NEIL3: variants seen among roughly 807,000 people sequenced by gnomAD.
NEIL3 encodes nei like DNA glycosylase 3.
In NEIL3, 48 loss-of-function variants were observed where a neutral mutation model predicts 57.5. The ratio of observed to expected loss-of-function variants is 0.83; its 90% CI spans 0.66 to 1.06. NEIL3 has a LOEUF of 1.06. Ranked by LOEUF, NEIL3 falls within the 50% of genes least tolerant of loss-of-function variation. NEIL3 has a pLI of 0.00. For missense variants in NEIL3, 717 were observed against 739.1 expected, an observed-to-expected ratio of 0.97 and a Z score of 0.35; for synonymous variants, 261 against 253.2, an observed-to-expected ratio of 1.03 and a Z score of -0.29.
chr4:177,320,959 C>G (rs75970678), intron 1 of NEIL3, among the ~76,000 whole-genome samples: 5 of 140,824 alleles, frequency 3.6e-5, no homozygotes, highest in Admixed American at 7.1e-5. Context: ...GTGTCTGTCT[C>G]TTTTTTTTTT....
rs148363703 is a variant in NEIL3, at chr4:177,318,463, C to T, written c.157-3996C>T. ...GCAGTGCTGCTGAATTAGATTTGGG[C>T]GTTTTGATAATGGGGCAGTTGTCTT... is the stretch of plus-strand genomic sequence containing the variant. On this transcript the variant is annotated intron_variant, in intron 1 of 9. Coordinates refer to ENST00000264596, the MANE Select transcript of NEIL3 (RefSeq NM_018248.3). 2.4e-4 allele frequency among the ~76,000 whole-genome samples: 37 copies of T among 152,206 alleles called. No homozygotes were observed. In the East Asian group the frequency reaches 6.9e-3, roughly 29 times the overall value.
At chr4:177,344,184 C>T (rs1439194298) in intron 6 of NEIL3, among the ~76,000 whole-genome samples, 1 of 152,152 alleles carries the variant, frequency 6.6e-6, no homozygotes, top group Non-Finnish European at 1.5e-5. Context: ...CTGTTTTCTA[C>T]ACTGGCAGTC....
chr4:177,353,036 G>T (rs772147398), intron 7 of NEIL3, among the ~76,000 whole-genome samples: 3 of 151,984 alleles, frequency 2.0e-5, no homozygotes, highest in Admixed American at 6.6e-5. Flanking sequence ...ACCTTTAAAT[G>T]CTTAAACATC....
intron 2 of NEIL3, among the ~76,000 whole-genome samples, chr4:177,330,045 G>A (rs1734852558): frequency 6.6e-6 from 1 of 152,016 alleles, no homozygotes; most frequent in Non-Finnish European, 1.5e-5. Flanking sequence ...TTGAGTAGCT[G>A]GGATTACAGA....
downstream of NEIL3, among the ~76,000 whole-genome samples, chr4:177,363,183 A>G (rs774224469): frequency 1.3e-4 from 20 of 152,158 alleles, no homozygotes; most frequent in Non-Finnish European, 7.3e-5. Flanking sequence ...GATCACTATG[A>G]TTGTTCCTCC....
intron 8 of NEIL3, among the ~76,000 whole-genome samples, chr4:177,354,678 C>T (rs542269018): frequency 2.0e-5 from 3 of 152,166 alleles, no homozygotes; most frequent in South Asian, 2.1e-4. Context: ...GATGGGGTTT[C>T]GCCATGTTGG....
At chr4:177,358,696 T>G (rs552576496) in intron 8 of NEIL3, among the ~76,000 whole-genome samples, 50 of 152,224 alleles carry the variant, frequency 3.3e-4, no homozygotes, top group African/African-American at 1.2e-3. Flanking sequence ...GGCCTCTCCT[T>G]TCTACTTTAA....
At position 177,336,126 on chromosome 4, in the gene NEIL3, A is replaced by ACCT; in HGVS notation, c.433_434insCTC (p.Gln144_Gln145insPro). ...TCTATAGAAACTCAATGGAAAGCCA[A>ACCT]CAGAGAATAAGAATGATGAAAGAAT... On this transcript the variant is annotated inframe_insertion, in exon 4 of 10. Transcript: ENST00000264596. 1 of 1,612,066 alleles carries ACCT rather than the reference A, an allele frequency of 6.2e-7. No homozygotes were observed. Among genetic ancestry groups the ACCT allele is most frequent in the Non-Finnish European group, 8.5e-7 (1 of 1,178,108 alleles).
At chr4:177,359,509 G>T (rs568286552) in intron 8 of NEIL3, among the ~76,000 whole-genome samples, 1 of 152,026 alleles carries the variant, frequency 6.6e-6, no homozygotes, top group Admixed American at 6.5e-5. Context: ...CAAGGAAAAA[G>T]GGAAATCACC....
chr4:177,353,282 G>A, intron 7 of NEIL3, 26 bp from the exon 8 acceptor site: 1 of 1,573,828 alleles, frequency 6.4e-7, no homozygotes, highest in Non-Finnish European at 8.6e-7. Context: ...TGGGACTATT[G>A]CAGAATTACT....
At chr4:177,338,832 T>C (rs1363058486) in intron 4 of NEIL3, among the ~76,000 whole-genome samples, 1 of 152,106 alleles carries the variant, frequency 6.6e-6, no homozygotes, top group East Asian at 1.9e-4. Flanking sequence ...CCTTCCCTTC[T>C]TTCTGTTTTA....
At chr4:177,368,297 A>G in the NEIL3 span, among the ~76,000 whole-genome samples, 1 of 152,170 alleles carries the variant, frequency 6.6e-6, no homozygotes, top group Non-Finnish European at 1.5e-5. Flanking sequence ...TAGTTCCATT[A>G]TTTTATTTTT....
chr4:177,352,698 C>T (rs1735382975), intron 7 of NEIL3, among the ~76,000 whole-genome samples: 1 of 151,934 alleles, frequency 6.6e-6, no homozygotes, highest in Non-Finnish European at 1.5e-5. Context: ...GGCGTGCTGG[C>T]GGGTGCCCGT....
chr4:177,343,232 G>T (rs1166849814), intron 6 of NEIL3: 1 of 152,182 alleles, frequency 6.6e-6, no homozygotes, highest in Non-Finnish European at 1.5e-5. Flanking sequence ...ATATGTGAAA[G>T]AACCCTGGAA....
chr4:177,351,304 C>A, intron 6 of NEIL3, 76 bp from the exon 7 acceptor site: 2 of 891,824 alleles, frequency 2.2e-6, no homozygotes, highest in Non-Finnish European at 3.3e-6. Context: ...ATTAATGGTT[C>A]TATAATCATT....
the NEIL3 span, among the ~76,000 whole-genome samples, chr4:177,369,144 C>G: frequency 6.6e-6 from 1 of 152,126 alleles, no homozygotes; most frequent in East Asian, 1.9e-4. Context: ...GGAAAATAAG[C>G]ACTTTAAGCA....
chr4:177,310,072 T>TG lies in NEIL3; in HGVS notation c.120dup (p.Arg41AlafsTer18). On this transcript the variant is annotated frameshift_variant, in exon 1 of 10. Transcript: ENST00000264596. LOFTEE classifies it high-confidence loss of function. ...CTGCGGAGTCTGCAGGGCCGCGCCT[T>TG]GCGGCTCGCAGCCTCCACGGTTGTG... 1 of 1,598,204 alleles carries TG rather than the reference T, an allele frequency of 6.3e-7. No homozygotes were observed. Among genetic ancestry groups the TG allele is most frequent in the Non-Finnish European group, 8.5e-7 (1 of 1,173,662 alleles).
intron 6 of NEIL3, among the ~76,000 whole-genome samples, chr4:177,342,632 TC>T (rs1211721697): frequency 3.9e-5 from 6 of 152,104 alleles, no homozygotes; most frequent in African/African-American, 1.4e-4. Flanking sequence ...TTCCACTCTT[TC>T]CCCCCTTCTC....
At chr4:177,314,148 T>G (rs1734526335) in intron 1 of NEIL3, among the ~76,000 whole-genome samples, 1 of 152,204 alleles carries the variant, frequency 6.6e-6, no homozygotes, top group Admixed American at 6.5e-5. Flanking sequence ...ATATACTTCC[T>G]TACCTTCTTA....
Sources: allele counts gnomAD v4.1 joint callset (sites outside exome capture counted in the v4.1 genomes callset), GRCh38; gene constraint gnomAD v4.1.1; transcripts MANE v1.5; gene names NCBI Gene and HGNC (gene_info 2026-07-23, HGNC 2026-07-21).